The following ANKS1B variants were observed in gnomAD, a reference collection of about 807,000 sequenced individuals.
ANKS1B encodes the protein ankyrin repeat and sterile alpha motif domain-containing protein 1B.
A neutral mutation model predicts 148.3 loss-of-function variants in ANKS1B; 36 were observed. The observed-to-expected ratio is 0.24, with a 90% CI of 0.19 to 0.32. The LOEUF (loss-of-function observed/expected upper bound fraction) is 0.32. Among genes scored for constraint, ANKS1B ranks in the 10% least tolerant of loss-of-function variants. ANKS1B has a pLI of 1.00. For missense variants in ANKS1B, 1,157 were observed against 1,542.6 expected (o/e 0.75, Z 4.19); for synonymous variants, 542 against 560.8 (o/e 0.97, Z 0.47).
intron 12 of ANKS1B, among the ~76,000 whole-genome samples, chr12:99,294,311 G>T (rs1240646853): frequency 6.6e-6 from 1 of 152,076 alleles, no homozygotes; most frequent in Non-Finnish European, 1.5e-5. Context: ...AAGAAAATGT[G>T]GTATATACAC....
At chr12:99,418,464 G>A (rs1325502000) in intron 11 of ANKS1B, among the ~76,000 whole-genome samples, 1 of 152,018 alleles carries the variant, frequency 6.6e-6, no homozygotes, top group Non-Finnish European at 1.5e-5. Flanking sequence ...ATTTTTTTAT[G>A]TGTATCTTGC....
intron 12 of ANKS1B, among the ~76,000 whole-genome samples, chr12:99,327,301 G>GTAATTATATATTATAATTACATATATA (rs1566900815): frequency 4.4e-4 from 44 of 99,226 alleles, no homozygotes; most frequent in African/African-American, 2.3e-3. Flanking sequence ...TATAAAATAT[G>GTAATTATATATTATAATTACATATATA]TAATTATATA....
At chr12:99,588,490 C>T (rs1022507464) in intron 9 of ANKS1B, among the ~76,000 whole-genome samples, 1 of 151,450 alleles carries the variant, frequency 6.6e-6, no homozygotes, top group African/African-American at 2.4e-5. Flanking sequence ...CATCTCGGCT[C>T]ACTGCAACTT....
chr12:99,785,737 C>G (rs1173124188), intron 4 of ANKS1B, among the ~76,000 whole-genome samples: 29 of 152,056 alleles, frequency 1.9e-4, no homozygotes, highest in Admixed American at 1.9e-3. Flanking sequence ...CTGGCCAAAA[C>G]TCTTTAATAA....
At chr12:99,391,519 C>T (rs1164466680) in intron 12 of ANKS1B, among the ~76,000 whole-genome samples, 1 of 152,298 alleles carries the variant, frequency 6.6e-6, no homozygotes, top group African/African-American at 2.4e-5. Context: ...GAGCCCCACT[C>T]ATTGTTGGCA....
intron 9 of ANKS1B, among the ~76,000 whole-genome samples, chr12:99,602,677 A>G (rs1386328420): frequency 3.3e-5 from 5 of 152,128 alleles, no homozygotes; most frequent in Admixed American, 2.6e-4. Flanking sequence ...TGAAGTCTAC[A>G]TCAAGTCATC....
chr12:98,736,786 T>C (rs868164342), intron 9 of ANKS1B, among the ~76,000 whole-genome samples: 1 of 152,226 alleles, frequency 6.6e-6, no homozygotes, highest in Non-Finnish European at 1.5e-5. Context: ...GTACAGTGAA[T>C]GCAGCAGGCA....
chr12:99,341,867 ATTCACCT>A, intron 12 of ANKS1B, among the ~76,000 whole-genome samples: 1 of 152,258 alleles, frequency 6.6e-6, no homozygotes, highest in Middle Eastern at 3.4e-3. Flanking sequence ...TCTGATCAAC[ATTCACCT>A]TTTAACTACT....
Position 99,672,637 on chromosome 12 carries a change from G to C in ANKS1B, c.1129-17427C>G, listed in dbSNP as rs557565143. 2.1e-4 allele frequency among the ~76,000 whole-genome samples: 32 copies of C among 152,238 alleles called. No homozygotes were observed. The South Asian group carries it at 3.1e-3, about 15-fold the overall frequency. ...CTGTGATGTTGGTCAAGCAGAAACA[G>C]ATCATTCAGTGGACAGCACCTACAG... On this transcript the variant is annotated intron_variant, in intron 8 of 26. Transcript: ENST00000683438.
intron 8 of ANKS1B, among the ~76,000 whole-genome samples, chr12:99,759,405 T>G (rs750579448): frequency 6.6e-6 from 1 of 152,008 alleles, no homozygotes; most frequent in Admixed American, 6.6e-5. Flanking sequence ...AATTCCAATA[T>G]TCTTTAGTTG....
intron 10 of ANKS1B, among the ~76,000 whole-genome samples, chr12:99,478,820 C>T (rs1362524297): frequency 6.6e-6 from 1 of 152,058 alleles, no homozygotes; most frequent in Non-Finnish European, 1.5e-5. Context: ...ATCAATCATG[C>T]TAGAGGAAAG....
At chr12:99,559,961 G>A (rs1361025131) in intron 9 of ANKS1B, among the ~76,000 whole-genome samples, 1 of 152,120 alleles carries the variant, frequency 6.6e-6, no homozygotes, top group Non-Finnish European at 1.5e-5. Flanking sequence ...AATTGTAGAA[G>A]ACAACATACA....
intron 4 of ANKS1B, among the ~76,000 whole-genome samples, chr12:99,805,497 A>G (rs2067525809): frequency 6.6e-6 from 1 of 151,806 alleles, no homozygotes; most frequent in African/African-American, 2.4e-5. Flanking sequence ...GGTGGTGTGT[A>G]CCTGCGGTCC....
At chr12:99,834,844 A>G (rs1273879195) in intron 1 of ANKS1B, among the ~76,000 whole-genome samples, 1 of 152,236 alleles carries the variant, frequency 6.6e-6, no homozygotes, top group African/African-American at 2.4e-5. Flanking sequence ...AAATTCATAC[A>G]GAATGTGCAT....
Position 98,745,481 on chromosome 12 carries a change from G to T in ANKS1B, c.*258C>A. ...TCAGAAATACCTTGGGAGGTGGTGGGGAGGGGAGTCGGGAGCATCAGGGAA... is the reference window on the plus strand; with the variant it reads ...TCAGAAATACCTTGGGAGGTGGTGGTGAGGGGAGTCGGGAGCATCAGGGAA... On this transcript the variant is annotated 3_prime_UTR_variant, in exon 27 of 27. Coordinates refer to ENST00000683438, the MANE Select transcript of ANKS1B (RefSeq NM_001352186.2). 1.7e-6 allele frequency: 2 copies of T among 1,157,992 alleles called. No homozygotes were observed. Among genetic ancestry groups the T allele is most frequent in the Non-Finnish European group, 2.1e-6 (2 of 939,216 alleles). The allele number at this position is 1,157,992 out of a possible 1,614,324, so 71.7% of individuals were successfully genotyped here.
intron 9 of ANKS1B, among the ~76,000 whole-genome samples, chr12:99,616,085 G>T (rs570777506): frequency 6.6e-6 from 1 of 152,244 alleles, no homozygotes; most frequent in Non-Finnish European, 1.5e-5. Context: ...ACTTACAAGG[G>T]ATGTGAAGGA....
chr12:98,863,571 G>T (rs1315314273), intron 17 of ANKS1B, among the ~76,000 whole-genome samples: 2 of 152,182 alleles, frequency 1.3e-5, no homozygotes, highest in African/African-American at 4.8e-5. Context: ...AATAAAGTGT[G>T]TTGGTTGTAT....
At chr12:98,735,291 T>C in exon 10 of ANKS1B, 1 of 399,644 alleles carries the variant, frequency 2.5e-6, no homozygotes, top group Middle Eastern at 6.3e-4. Flanking sequence ...AATTTTTTTT[T>C]ACATTATATG....
chr12:98,783,444 A>ATTACAGCTACAATTACAGCTACAATTAC, intron 22 of ANKS1B, among the ~76,000 whole-genome samples: 1 of 152,220 alleles, frequency 6.6e-6, no homozygotes, highest in Non-Finnish European at 1.5e-5. Context: ...GTCTGATAGG[A>ATTACAGCTACAATTACAGCTACAATTAC]AGAACAGCTA....
Sources: allele counts gnomAD v4.1 joint callset (sites outside exome capture counted in the v4.1 genomes callset), GRCh38; gene constraint gnomAD v4.1.1; transcripts MANE v1.5; gene names NCBI Gene and HGNC (gene_info 2026-07-23, HGNC 2026-07-21).